The following PCDHA12 variants were observed in gnomAD, a reference collection of about 807,000 sequenced individuals.
The protein encoded by PCDHA12 is protocadherin alpha-12.
In PCDHA12, 44 loss-of-function variants were observed where a neutral mutation model predicts 60.0. The ratio of observed to expected loss-of-function variants is 0.73; its 90% CI spans 0.58 to 0.94. PCDHA12 has a LOEUF of 0.94. Among genes scored for constraint, PCDHA12 ranks in the 40% least tolerant of loss-of-function variants. The pLI, the probability that PCDHA12 is intolerant of heterozygous loss-of-function variation, is 0.00. For synonymous variants in PCDHA12, 569 were observed against 553.0 expected, an observed-to-expected ratio of 1.03 and a Z score of -0.40; for missense variants, 1,276 against 1,239.7, an observed-to-expected ratio of 1.03 and a Z score of -0.44.
intron 1 of PCDHA12, 41 bp from the exon 2 acceptor site, chr5:140,978,908 T>C: frequency 6.2e-7 from 1 of 1,613,772 alleles, no homozygotes; most frequent in Non-Finnish European, 8.5e-7. Context: ...GAGAACATTG[T>C]CTTGTCATTT....
At position 141,010,202 on chromosome 5, in the gene PCDHA12, G is replaced by C; in HGVS notation, c.*265G>C. 6.4e-7 allele frequency: 1 copy of C among 1,551,944 alleles called. No homozygotes were observed. The highest frequency in any genetic ancestry group is 8.7e-7 in the Non-Finnish European group (1 of 1,147,050). The stretch of plus-strand genomic sequence containing the variant: ...CAGACCCAAGTTTCCTTTCTCCTCC[G>C]CCGCAAAGGAGAGGCTTCCCAGCCC... On this transcript the variant is annotated 3_prime_UTR_variant, in exon 4 of 4. Coordinates refer to ENST00000398631, the MANE Select transcript of PCDHA12 (RefSeq NM_018903.4).
chr5:140,883,306 C>G, intron 1 of PCDHA12: 1 of 1,614,050 alleles, frequency 6.2e-7, no homozygotes, highest in Non-Finnish European at 8.5e-7. Flanking sequence ...TAAATGATAA[C>G]GCCCCAGAGG....
chr5:141,007,524 C>T (rs2098334216), intron 3 of PCDHA12, among the ~76,000 whole-genome samples: 1 of 151,984 alleles, frequency 6.6e-6, no homozygotes, highest in African/African-American at 2.4e-5. Context: ...GCTGATATCT[C>T]GCCACTGCAC....
At chr5:140,916,508 T>G (rs2077594251) in intron 1 of PCDHA12, among the ~76,000 whole-genome samples, 1 of 152,200 alleles carries the variant, frequency 6.6e-6, no homozygotes, top group Non-Finnish European at 1.5e-5. Context: ...GTGATTAATC[T>G]TGCCAAGACT....
chr5:140,959,102 G>A (rs556528085), intron 1 of PCDHA12, among the ~76,000 whole-genome samples: 2 of 152,214 alleles, frequency 1.3e-5, no homozygotes, highest in South Asian at 4.2e-4. Flanking sequence ...ACATTCAGCA[G>A]GGGTCCGAAG....
At chr5:140,969,670 T>C (rs1481481821) in intron 1 of PCDHA12, among the ~76,000 whole-genome samples, 1 of 152,192 alleles carries the variant, frequency 6.6e-6, no homozygotes, top group African/African-American at 2.4e-5. Context: ...AGTAATGTTA[T>C]GAGACTCAAG....
chr5:140,875,400 T>C lies in PCDHA12; in HGVS notation c.-73T>C. The C allele has an allele frequency of 6.7e-7, 1 of 1,485,268 alleles. No individual in the cohort carries two copies. Among genetic ancestry groups the C allele is most frequent in the Admixed American group, 2.6e-5 (1 of 37,746 alleles). The allele number at this position is 1,485,268 out of a possible 1,614,324, so 92.0% of individuals were successfully genotyped here. A position where few individuals can be genotyped will look rare whatever the true frequency, so the allele number is the denominator to read the frequency against. ...ATATGTACTTACAGAAAAGGGTGAC[T>C]GCTCATAAAATACCTCAGGCAAGCG... is the stretch of plus-strand genomic sequence containing the variant. On this transcript the variant is annotated 5_prime_UTR_variant, in exon 1 of 4. Coordinates refer to ENST00000398631, the MANE Select transcript of PCDHA12 (RefSeq NM_018903.4).
chr5:140,972,978 A>G (rs1392208477), intron 1 of PCDHA12, among the ~76,000 whole-genome samples: 1 of 152,058 alleles, frequency 6.6e-6, no homozygotes, highest in African/African-American at 2.4e-5. Flanking sequence ...ACCAAATCTT[A>G]AGGTAGATTC....
chr5:140,959,116 G>A (rs2095468018), intron 1 of PCDHA12, among the ~76,000 whole-genome samples: 1 of 152,002 alleles, frequency 6.6e-6, no homozygotes, highest in South Asian at 2.1e-4. Context: ...TCCGAAGGTG[G>A]GCGAGGTGAG....
intron 1 of PCDHA12, among the ~76,000 whole-genome samples, chr5:140,903,696 A>G (rs2153481433): frequency 6.6e-6 from 1 of 152,370 alleles, no homozygotes; most frequent in East Asian, 1.9e-4. Context: ...ATAGTTTAAA[A>G]TAGTAATAAA....
In PCDHA12 at chr5:140,881,260, A is replaced by G. The variant is rs1223751140; in HGVS notation, c.2367+3421A>G. The G allele has an allele frequency of 7.6e-6, 4 of 528,232 alleles. No individual in the cohort carries two copies. In the African/African-American group the frequency reaches 8.2e-5, roughly 11 times the overall value. The allele number at this position is 528,232 out of a possible 1,614,324, so 32.7% of individuals were successfully genotyped here. On this transcript the variant is annotated intron_variant, in intron 1 of 3. Transcript: ENST00000398631. ...TTTAAATGACGGCAAGGTTTTACTC[A>G]GTGATGATGAAGTAAGATGGAGAGA... is the stretch of plus-strand genomic sequence containing the variant.
chr5:141,005,475 G>A (rs1011400158), intron 3 of PCDHA12, among the ~76,000 whole-genome samples: 8 of 151,670 alleles, frequency 5.3e-5, no homozygotes, highest in African/African-American at 1.9e-4. Flanking sequence ...AGGCCGAGAC[G>A]GGCGGATCAT....
rs548266069 is a variant in PCDHA12 at position 140,886,217 on chromosome 5, T to G, written c.2367+8378T>G. Among the ~76,000 whole-genome samples, 388 of 152,238 alleles carry G rather than the reference T, an allele frequency of 2.5e-3. 1 individual carries two copies. Among genetic ancestry groups the G allele is most frequent in the African/African-American group, 9.1e-3 (377 of 41,582 alleles). Reference sequence around the variant, plus strand: ...GTAATCTGTTCTCCATTTCTCTAATTTTGTTACTTTTACTTCAGAAATAAA... The same window carrying G: ...GTAATCTGTTCTCCATTTCTCTAATGTTGTTACTTTTACTTCAGAAATAAA... On this transcript the variant is annotated intron_variant, in intron 1 of 3. Coordinates refer to ENST00000398631, the MANE Select transcript of PCDHA12 (RefSeq NM_018903.4).
At chr5:140,936,124 C>T (rs2090779585) in intron 1 of PCDHA12, among the ~76,000 whole-genome samples, 1 of 152,130 alleles carries the variant, frequency 6.6e-6, no homozygotes, top group African/African-American at 2.4e-5. Context: ...AACTCCTGAC[C>T]TTAAGTGATC....
rs575152424 is a variant in PCDHA12 at position 140,895,872 on chromosome 5, C to T, written c.2367+18033C>T. Among the ~76,000 whole-genome samples, 3 of 152,222 alleles carry T rather than the reference C, an allele frequency of 2.0e-5. No homozygotes were observed. The South Asian group carries it at 6.2e-4, about 32-fold the overall frequency. ...TGTACCCCAGGCTGGAGTGCAATGG[C>T]GCGATCTCGGCTCACTGCAACCTCC... On this transcript the variant is annotated intron_variant, in intron 1 of 3. Transcript: ENST00000398631.
Position 140,875,613 on chromosome 5 carries a change from C to G in PCDHA12, c.141C>G (p.Arg47=), listed in dbSNP as rs2055652849. The change falls in exon 1 of 4, where the codon CGC becomes CGG. Residue 47 remains arginine (R), a synonymous_variant. Transcript: ENST00000398631. The part of the protein sequence containing the change: ...EEAKHGTFVG[R]IAQDLGLELA... The stretch of plus-strand genomic sequence containing the variant: ...CCAAACACGGCACCTTCGTGGGCCG[C>G]ATCGCTCAGGACCTGGGGCTGGAGC... 13 of 1,613,708 alleles carry G rather than the reference C, an allele frequency of 8.1e-6. No individual in the cohort carries two copies. The highest frequency in any genetic ancestry group is 1.1e-5 in the Non-Finnish European group (13 of 1,180,030).
At chr5:140,996,386 C>G (rs574909973) in intron 3 of PCDHA12, among the ~76,000 whole-genome samples, 1 of 152,268 alleles carries the variant, frequency 6.6e-6, no homozygotes, top group South Asian at 2.1e-4. Flanking sequence ...GAAATAATGC[C>G]TCATAGAGTT....
chr5:140,884,586 G>A (rs782106355), intron 1 of PCDHA12: 1 of 1,614,250 alleles, frequency 6.2e-7, no homozygotes, highest in Admixed American at 1.7e-5. Flanking sequence ...ATGGCCTTCA[G>A]TCCCAGCCTT....
At chr5:140,981,289 C>G (rs1554242771) in intron 2 of PCDHA12, among the ~76,000 whole-genome samples, 1 of 152,138 alleles carries the variant, frequency 6.6e-6, no homozygotes, top group Non-Finnish European at 1.5e-5. Flanking sequence ...AAAGGGTCCT[C>G]TAGTCTAGGT....
Sources: gnomAD v4.1 joint callset for allele counts (sites outside exome capture counted in the v4.1 genomes callset) on GRCh38, gnomAD v4.1.1 for gene constraint, MANE v1.5 for transcripts, NCBI Gene and HGNC (gene_info 2026-07-23, HGNC 2026-07-21) for gene names.